RECQL: variants seen among roughly 807,000 people sequenced by gnomAD.
The protein encoded by RECQL is RecQ like helicase.
In RECQL, 73 loss-of-function variants were observed where a neutral mutation model predicts 75.8. The observed-to-expected ratio is 0.96, with a 90% CI of 0.80 to 1.17. RECQL has a LOEUF of 1.17. Ranked by LOEUF, RECQL falls within the 50% of genes most tolerant of loss-of-function variation. The pLI is 0.00. For synonymous variants in RECQL, 248 were observed against 254.4 expected (o/e 0.97, Z 0.24); for missense variants, 699 against 772.1 (o/e 0.91, Z 1.12).
chr12:21,486,280 T>C (rs1234060000), intron 5 of RECQL, among the ~76,000 whole-genome samples, 199 bp downstream of exon 5: 2 of 152,174 alleles, frequency 1.3e-5, no homozygotes, highest in Non-Finnish European at 2.9e-5. Flanking sequence ...TTTTTAGCCA[T>C]TTAAAAATAT....
chr12:21,473,853 T>G (rs1943031448), intron 11 of RECQL, among the ~76,000 whole-genome samples: 1 of 152,038 alleles, frequency 6.6e-6, no homozygotes, highest in Non-Finnish European at 1.5e-5. Context: ...AAAATCAGAG[T>G]GTCAGGTTCT....
intron 1 of RECQL, among the ~76,000 whole-genome samples, chr12:21,500,039 T>C (rs1943578563): frequency 6.6e-6 from 1 of 152,262 alleles, no homozygotes; most frequent in Non-Finnish European, 1.5e-5. Flanking sequence ...TCCAAGCCTC[T>C]TTCCCTACCT....
chr12:21,482,753 C>T (rs1943216277), intron 6 of RECQL, among the ~76,000 whole-genome samples: 1 of 152,156 alleles, frequency 6.6e-6, no homozygotes, highest in Admixed American at 6.5e-5. Flanking sequence ...GTGTGAAAAG[C>T]TTCAGAAGGA....
intron 6 of RECQL, 108 bp downstream of exon 6, chr12:21,483,268 G>A: frequency 1.2e-6 from 1 of 801,338 alleles, no homozygotes. Context: ...TATTCAATGT[G>A]TAACTACTTG....
intron 1 of RECQL, among the ~76,000 whole-genome samples, chr12:21,500,067 G>C (rs1005172160): frequency 1.3e-5 from 2 of 152,188 alleles, no homozygotes; most frequent in Admixed American, 6.5e-5. Context: ...TGGGAGGATG[G>C]CAATCTTATA....
intron 6 of RECQL, 91 bp from the exon 7 acceptor site, chr12:21,478,060 CTA>C: frequency 7.6e-7 from 1 of 1,316,132 alleles, no homozygotes; most frequent in Non-Finnish European, 1.0e-6. Context: ...TCGATGACTA[CTA>C]TGATTTTGTT....
Position 21,469,782 on chromosome 12 carries a change from A to G in RECQL, c.*412T>C, listed in dbSNP as rs576595482. On this transcript the variant is annotated 3_prime_UTR_variant, in exon 15 of 15. Transcript: ENST00000444129. The stretch of plus-strand genomic sequence containing the variant: ...TCCAATGTGGCTCAGGGAAGCCAAA[A>G]GATTGGACATCCTTGATCTACATAT... 8.7e-4 allele frequency: 136 copies of G among 156,438 alleles called. No individual in the cohort carries two copies. In the Middle Eastern group the frequency reaches 0.01, roughly 12 times the overall value. 9.7% of individuals were successfully genotyped at this position (156,438 alleles called of 1,614,324 possible).
At chr12:21,498,547 C>A (rs983208102) in intron 2 of RECQL, among the ~76,000 whole-genome samples, 2 of 152,048 alleles carry the variant, frequency 1.3e-5, no homozygotes, top group Non-Finnish European at 2.9e-5. Flanking sequence ...GTTCCTCATG[C>A]CAACAAATGA....
chr12:21,499,764 G>C, intron 1 of RECQL, 149 bp from the exon 2 acceptor site: 2 of 489,912 alleles, frequency 4.1e-6, no homozygotes, highest in South Asian at 7.5e-5. Context: ...AGAACCACAT[G>C]GTTCTTTTGA....
intron 1 of RECQL, among the ~76,000 whole-genome samples, chr12:21,499,820 C>A (rs896730805): frequency 6.6e-6 from 1 of 152,156 alleles, no homozygotes; most frequent in Non-Finnish European, 1.5e-5. Flanking sequence ...TAATAACCCA[C>A]AACACTCAGA....
chr12:21,483,225 A>G, intron 6 of RECQL, 151 bp downstream of exon 6: 1 of 640,490 alleles, frequency 1.6e-6, no homozygotes, highest in Admixed American at 3.8e-5. Flanking sequence ...AAAATTTAAA[A>G]CCCTTTTGGT....
intron 10 of RECQL, 123 bp from the exon 11 acceptor site, chr12:21,475,102 G>C: frequency 1.0e-6 from 1 of 957,012 alleles, no homozygotes; most frequent in Non-Finnish European, 1.5e-6. Flanking sequence ...TAGAGATGTG[G>C]AAGTTAATTT....
intron 6 of RECQL, among the ~76,000 whole-genome samples, chr12:21,478,914 C>T (rs1943137911): frequency 6.6e-6 from 1 of 152,146 alleles, no homozygotes; most frequent in Non-Finnish European, 1.5e-5. Context: ...GCTGTTCCTC[C>T]CAACTGCAGG....
chr12:21,492,778 G>C (rs1411819940), intron 2 of RECQL, among the ~76,000 whole-genome samples: 1 of 152,220 alleles, frequency 6.6e-6, no homozygotes, highest in Non-Finnish European at 1.5e-5. Flanking sequence ...AATCTTGGTG[G>C]AACAACTTGG....
chr12:21,479,350 ATTTTTTTTTTT>A (rs11366827), intron 6 of RECQL, among the ~76,000 whole-genome samples: 2 of 116,312 alleles, frequency 1.7e-5, no homozygotes, highest in East Asian at 5.2e-4. Context: ...TCATCATGTA[ATTTTTTTTTTT>A]TTTTTTTTTG....
At chr12:21,486,656 C>CCTT (rs1565571187) in intron 4 of RECQL, 71 bp from the exon 5 acceptor site, 2,933 of 161,052 alleles carry the variant, frequency 0.018, 862 homozygotes, top group African/African-American at 0.048. Flanking sequence ...AAACCATTCA[C>CCTT]GTTTTTTTTT....
intron 7 of RECQL, 148 bp downstream of exon 7, chr12:21,477,655 C>T: frequency 1.8e-6 from 1 of 544,966 alleles, no homozygotes; most frequent in East Asian, 3.1e-5. Flanking sequence ...GAATGAAGCC[C>T]TAATCACAGA....
chr12:21,487,505 T>C (rs983600703), intron 4 of RECQL, among the ~76,000 whole-genome samples: 3 of 152,232 alleles, frequency 2.0e-5, no homozygotes, highest in African/African-American at 4.8e-5. Flanking sequence ...GGCTTTACGT[T>C]TCTGTAGTTT....
chr12:21,476,839 A>G, intron 8 of RECQL, 72 bp downstream of exon 8: 1 of 917,558 alleles, frequency 1.1e-6, no homozygotes, highest in Non-Finnish European at 1.7e-6. Flanking sequence ...TATCAGTATA[A>G]TTATCAATAT....
Sources: allele counts gnomAD v4.1 joint callset (sites outside exome capture counted in the v4.1 genomes callset), GRCh38; gene constraint gnomAD v4.1.1; transcripts MANE v1.5; gene names NCBI Gene and HGNC (gene_info 2026-07-23, HGNC 2026-07-21).